Variants in VSTM4 observed in about 807,000 individuals in gnomAD.
VSTM4 encodes V-set and transmembrane domain-containing protein 4.
A neutral mutation model predicts 36.4 loss-of-function variants in VSTM4; 20 were observed. That is an observed-to-expected ratio of 0.55 (90% CI 0.39 to 0.80). The LOEUF is 0.80. Among genes scored for constraint, VSTM4 ranks in the 30% least tolerant of loss-of-function variants. The pLI, the probability that VSTM4 is intolerant of heterozygous loss-of-function variation, is 0.00. For missense variants in VSTM4, 392 were observed against 404.5 expected (o/e 0.97, Z 0.26); for synonymous variants, 182 against 173.9 (o/e 1.05, Z -0.37).
chr10:49,080,397 C>T (rs2131995096), intron 3 of VSTM4, among the ~76,000 whole-genome samples: 1 of 152,314 alleles, frequency 6.6e-6, no homozygotes, highest in South Asian at 2.1e-4. Context: ...CTGGCCTAGG[C>T]CCCAGGGAAG....
At chr10:49,102,418 G>A (rs1219656303) in intron 2 of VSTM4, 5 of 985,262 alleles carry the variant, frequency 5.1e-6, no homozygotes, top group Non-Finnish European at 4.8e-6. Flanking sequence ...ACAGGCGTAA[G>A]CCACCATGCC....
intron 5 of VSTM4, among the ~76,000 whole-genome samples, chr10:49,053,517 G>A (rs1734900120): frequency 6.6e-6 from 1 of 152,202 alleles, no homozygotes; most frequent in African/African-American, 2.4e-5. Flanking sequence ...AAGGGGAGGT[G>A]TATGTTGGCT....
chr10:49,076,279 G>T lies in VSTM4; in HGVS notation c.634+940C>A, dbSNP rs1012536175. 1.3e-5 allele frequency among the ~76,000 whole-genome samples: 2 copies of T among 152,178 alleles called. 1 individual carries two copies. The highest frequency in any genetic ancestry group is 2.9e-5 in the Non-Finnish European group (2 of 68,022). On this transcript the variant is annotated intron_variant, in intron 4 of 7. Coordinates refer to ENST00000332853, the MANE Select transcript of VSTM4 (RefSeq NM_001031746.5). ...ATGTCAACATAAAAGCAGGACATTC[G>T]CTGGAGCCTGTGTTACAGGTTTTAG...
rs111901211 is a variant in VSTM4, at chr10:49,095,044, A to C, written c.458-9021T>G. Among the ~76,000 whole-genome samples, 1,222 of 152,290 alleles carry C rather than the reference A, an allele frequency of 8.0e-3. 40 individuals carry two copies. Among genetic ancestry groups the C allele is most frequent in the South Asian group, 0.058 (280 of 4,822 alleles). On this transcript the variant is annotated intron_variant, in intron 2 of 7. Transcript: ENST00000332853. ...TTCCTACCGCATTCAGTCCAAGACA[A>C]ATTCCAGCAAACCAAGCAAAAGGGC... is the stretch of plus-strand genomic sequence containing the variant.
chr10:49,101,031 G>C (rs1012664844), intron 2 of VSTM4, among the ~76,000 whole-genome samples: 3 of 151,934 alleles, frequency 2.0e-5, no homozygotes, highest in African/African-American at 7.2e-5. Flanking sequence ...AGATTCCAAA[G>C]AGATAAAGGA....
intron 3 of VSTM4, among the ~76,000 whole-genome samples, chr10:49,083,474 G>C (rs1157722117): frequency 6.6e-6 from 1 of 152,192 alleles, no homozygotes; most frequent in Non-Finnish European, 1.5e-5. Flanking sequence ...CCTCGCCAAA[G>C]CTACGGCTGG....
chr10:49,082,906 G>T (rs890619906), intron 3 of VSTM4, among the ~76,000 whole-genome samples: 20 of 152,230 alleles, frequency 1.3e-4, no homozygotes, highest in African/African-American at 4.8e-4. Flanking sequence ...TGCCCATGCA[G>T]AGACAGGCCA....
chr10:49,108,542 G>A (rs1425884410), intron 1 of VSTM4, among the ~76,000 whole-genome samples: 3 of 152,208 alleles, frequency 2.0e-5, no homozygotes, highest in African/African-American at 7.2e-5. Flanking sequence ...CCCTGACTCC[G>A]CTATTTCAAC....
At chr10:49,044,705 T>C (rs537063683) in intron 7 of VSTM4, among the ~76,000 whole-genome samples, 1 of 152,364 alleles carries the variant, frequency 6.6e-6, no homozygotes, top group African/African-American at 2.4e-5. Flanking sequence ...AAGTTCTAAA[T>C]GTTAATACAA....
rs951603604 is a variant in VSTM4 at position 49,016,778 on chromosome 10, G to T, written c.*2872C>A. 1.3e-5 allele frequency: 2 copies of T among 152,232 alleles called. No homozygotes were observed. Among genetic ancestry groups the T allele is most frequent in the Non-Finnish European group, 2.9e-5 (2 of 68,046 alleles). 9.4% of individuals were successfully genotyped at this position (152,232 alleles called of 1,614,324 possible). A position where few individuals can be genotyped will look rare whatever the true frequency, so the allele number is the denominator to read the frequency against. ...AAAAGGTGACTCTAAGGAATCCCAG[G>T]CCTCTCCTCCACTACAGCTGCTTCA... On this transcript the variant is annotated 3_prime_UTR_variant, in exon 8 of 8. Transcript: ENST00000332853.
At chr10:49,082,356 G>T (rs143897689) in intron 3 of VSTM4, among the ~76,000 whole-genome samples, 177 of 152,288 alleles carry the variant, frequency 1.2e-3, no homozygotes, top group Admixed American at 2.4e-3. Context: ...ATCAAATCTG[G>T]AGTTCACTTT....
In VSTM4 at chr10:49,107,690, C is replaced by T. The variant is rs530583582; in HGVS notation, c.361G>A (p.Asp121Asn). Residue 121 changes from aspartate to asparagine, a missense_variant, in exon 2 of 8, where the codon GAT (aspartate) becomes AAT (asparagine). By Grantham distance (23) the Asp-to-Asn change is conservative. Transcript: ENST00000332853. ...RLSVLTLQPS[D>N]QGHYVCRVQE... is the part of the protein sequence containing the mutation. ...ACTCTGCAGACGTAATGCCCTTGAT[C>T]GGAGGGCTGCAGTGTCAAGACGGAG... 19 of 1,614,202 alleles carry T rather than the reference C, an allele frequency of 1.2e-5. No individual in the cohort carries two copies. In the East Asian group the frequency reaches 1.6e-4, roughly 13 times the overall value.
rs142903506 is a variant in VSTM4, at chr10:49,077,320, T to C, written c.533A>G (p.Tyr178Cys). Reference protein sequence around the residue: ...KETWAFFEDLYVYAVLVCCVG... With the variant: ...KETWAFFEDLCVYAVLVCCVG... ...GCAGCACACGAGGACAGCATACACA[T>C]AGAGATCTGAAAGGCAAGGACAGAC... The change falls in exon 4 of 8, where the codon TAT (tyrosine) becomes TGT (cysteine). Residue 178 changes from tyrosine (Y) to cysteine (C), a missense_variant. Transcript: ENST00000332853. 467 of 1,614,112 alleles carry C rather than the reference T, an allele frequency of 2.9e-4. 3 individuals carry two copies. In the African/African-American group the frequency reaches 5.2e-3, roughly 18 times the overall value.
intron 3 of VSTM4, among the ~76,000 whole-genome samples, chr10:49,081,946 T>C (rs1464555916): frequency 6.6e-6 from 1 of 152,228 alleles, no homozygotes; most frequent in Non-Finnish European, 1.5e-5. Context: ...TTTTCCCTTC[T>C]GTTACAAGCA....
At chr10:49,081,754 C>T (rs557725710) in intron 3 of VSTM4, among the ~76,000 whole-genome samples, 2 of 152,300 alleles carry the variant, frequency 1.3e-5, no homozygotes, top group East Asian at 1.9e-4. Context: ...CACCAGCCAG[C>T]GGGCACCTCC....
At chr10:49,077,183 C>T in intron 4 of VSTM4, 36 bp downstream of exon 4, 1 of 1,601,816 alleles carries the variant, frequency 6.2e-7, no homozygotes. Context: ...TCGGGGTGTG[C>T]TCCCATCCCA....
rs185403113 is a variant in VSTM4 at position 49,086,764 on chromosome 10, T to A, written c.458-741A>T. Among the ~76,000 whole-genome samples, 13 of 152,366 alleles carry A rather than the reference T, an allele frequency of 8.5e-5. No homozygotes were observed. The East Asian group carries it at 2.3e-3, about 27-fold the overall frequency. ...TCTGAAGTTATTGAAATGTTCTATA[T>A]CTGCACTGTCCAATACAGCAGCCAC... On this transcript the variant is annotated intron_variant, in intron 2 of 7. Coordinates refer to ENST00000332853, the MANE Select transcript of VSTM4 (RefSeq NM_001031746.5).
chr10:49,112,358 T>C (rs1024234530), intron 1 of VSTM4, among the ~76,000 whole-genome samples: 1 of 152,158 alleles, frequency 6.6e-6, no homozygotes, highest in Non-Finnish European at 1.5e-5. Flanking sequence ...AGAGAAACGA[T>C]GAGACACAGA....
At chr10:49,046,283 T>C (rs1280189136) in intron 7 of VSTM4, among the ~76,000 whole-genome samples, 1 of 152,102 alleles carries the variant, frequency 6.6e-6, no homozygotes, top group Non-Finnish European at 1.5e-5. Context: ...TTCTAAAAAA[T>C]CACTGGCCAC....
Sources: allele counts gnomAD v4.1 joint callset (sites outside exome capture counted in the v4.1 genomes callset), GRCh38; gene constraint gnomAD v4.1.1; transcripts MANE v1.5; gene names NCBI Gene and HGNC (gene_info 2026-07-23, HGNC 2026-07-21).